BACH2: variants seen among roughly 807,000 people sequenced by gnomAD.
BACH2 encodes the protein BACH transcriptional regulator 2.
Under a neutral mutation model 61.8 loss-of-function variants are expected in BACH2, and 5 were observed. The ratio of observed to expected loss-of-function variants is 0.08; its 90% CI spans 0.04 to 0.17. The LOEUF (loss-of-function observed/expected upper bound fraction) is 0.17, where lower values mean the gene tolerates loss of function less well. BACH2 is among the 10% of genes least tolerant of loss of function. The probability of loss-of-function intolerance (pLI) is 1.00; values close to 1 mark genes in which losing one functional copy is unlikely to be tolerated. For missense variants in BACH2, 824 were observed against 1,091.1 expected (o/e 0.76, Z 3.45); for synonymous variants, 446 against 440.1 (o/e 1.01, Z -0.17).
chr6:90,170,131 CTTTACAAG>C (rs1445232900), intron 4 of BACH2, among the ~76,000 whole-genome samples: 3 of 151,988 alleles, frequency 2.0e-5, no homozygotes, highest in Non-Finnish European at 4.4e-5. Flanking sequence ...GCAACTTAAC[CTTTACAAG>C]TTTAGGAATA....
intron 4 of BACH2, among the ~76,000 whole-genome samples, chr6:90,123,769 C>CAAAAAA (rs796903431): frequency 5.9e-4 from 20 of 33,952 alleles, no homozygotes; most frequent in African/African-American, 1.4e-3. Context: ...GACTCCGTCT[C>CAAAAAA]AAAAAAAAAA....
chr6:90,230,669 T>C (rs1770066463), intron 3 of BACH2, among the ~76,000 whole-genome samples: 1 of 152,202 alleles, frequency 6.6e-6, no homozygotes, highest in Admixed American at 6.5e-5. Context: ...GTACTTCTAC[T>C]GCAAAGTTAT....
At chr6:90,250,348 C>A (rs1434226750) in intron 3 of BACH2, among the ~76,000 whole-genome samples, 2 of 152,160 alleles carry the variant, frequency 1.3e-5, no homozygotes, top group African/African-American at 4.8e-5. Flanking sequence ...TAAATAATTA[C>A]AAAACAGTTG....
At chr6:90,117,021 C>T (rs1436987822) in intron 4 of BACH2, 4 of 353,846 alleles carry the variant, frequency 1.1e-5, no homozygotes, top group South Asian at 3.9e-5. Context: ...ATTTCCCACA[C>T]TAACTTGAAG....
chr6:89,987,843 AG>A (rs1376043413), intron 6 of BACH2, among the ~76,000 whole-genome samples: 2 of 152,302 alleles, frequency 1.3e-5, no homozygotes, highest in African/African-American at 4.8e-5. Flanking sequence ...CTCCCCTTAT[AG>A]CACAACAGCC....
At chr6:89,996,970 CTTA>C (rs1362642414) in intron 6 of BACH2, among the ~76,000 whole-genome samples, 1 of 151,428 alleles carries the variant, frequency 6.6e-6, no homozygotes, top group Non-Finnish European at 1.5e-5. Flanking sequence ...AGGATTTTGT[CTTA>C]TTAAGCATCT....
chr6:89,968,999 A>G (rs1036932099), intron 6 of BACH2, among the ~76,000 whole-genome samples: 1 of 151,306 alleles, frequency 6.6e-6, no homozygotes, highest in Non-Finnish European at 1.5e-5. Flanking sequence ...TGACAGAATG[A>G]GACTCTGTCT....
chr6:90,047,044 C>CCTCAGCCT (rs1779816049), intron 5 of BACH2, among the ~76,000 whole-genome samples: 1 of 152,146 alleles, frequency 6.6e-6, no homozygotes, highest in African/African-American at 2.4e-5. Flanking sequence ...GATTCTCCTG[C>CCTCAGCCT]CTCAGCCTCC....
chr6:90,025,322 T>C (rs1412872058), intron 5 of BACH2, among the ~76,000 whole-genome samples: 1 of 152,204 alleles, frequency 6.6e-6, no homozygotes, highest in African/African-American at 2.4e-5. Flanking sequence ...ACCCCCCAGT[T>C]AAGAGTAAAG....
intron 1 of BACH2, among the ~76,000 whole-genome samples, chr6:90,283,524 T>C (rs1414588523): frequency 6.6e-6 from 1 of 151,882 alleles, no homozygotes; most frequent in African/African-American, 2.4e-5. Context: ...TACAGGTGCC[T>C]GCCACCATGC....
At chr6:90,195,220 CTCCT>C (rs1249170707) in intron 4 of BACH2, among the ~76,000 whole-genome samples, 1 of 152,056 alleles carries the variant, frequency 6.6e-6, no homozygotes, top group African/African-American at 2.4e-5. Flanking sequence ...CCTCTCTCTC[CTCCT>C]TGTCTCTTTG....
rs1373745125 is a variant in BACH2, at chr6:90,296,589, C to G, written c.-555G>C. ...TGGGCAGTTCGTGGGTCACCGAAAGCTCGCGGAGGGGACGCGCATCACATG... is the reference window on the plus strand; with the variant it reads ...TGGGCAGTTCGTGGGTCACCGAAAGGTCGCGGAGGGGACGCGCATCACATG... On this transcript the variant is annotated 5_prime_UTR_variant, in exon 1 of 9. Transcript: ENST00000257749. 1.3e-5 allele frequency: 2 copies of G among 151,936 alleles called. No individual in the cohort carries two copies. The highest frequency in any genetic ancestry group is 6.6e-5 in the Admixed American group (1 of 15,228). The allele number at this position is 151,936 out of a possible 1,614,324, so 9.4% of individuals were successfully genotyped here.
chr6:89,991,661 A>AT (rs1200550993), intron 6 of BACH2, among the ~76,000 whole-genome samples: 20 of 152,166 alleles, frequency 1.3e-4, no homozygotes, highest in Admixed American at 1.3e-4. Flanking sequence ...TTATAAATTA[A>AT]TATATAGTCT....
rs71298713 is a variant in BACH2 at position 89,939,656 on chromosome 6, C to CTT, written c.1837-1308_1837-1307dup. Among the ~76,000 whole-genome samples the CTT allele has an allele frequency of 4.5e-3, 374 of 82,602 alleles. 39 individuals are homozygous for CTT. Among genetic ancestry groups the CTT allele is most frequent in the Admixed American group, 7.1e-3 (42 of 5,892 alleles). 54.2% of individuals were successfully genotyped at this position (82,602 alleles called of 152,430 possible). On this transcript the variant is annotated intron_variant, in intron 7 of 8. Transcript: ENST00000257749. ...TGTTGTTAAATGATTGCTTATATTTCTTTTTTTTTTTTTTTTTTTTTTTTT... is the reference window on the plus strand; with the variant it reads ...TGTTGTTAAATGATTGCTTATATTTCTTTTTTTTTTTTTTTTTTTTTTTTTTT...
chr6:90,116,973 A>C, intron 4 of BACH2: 2 of 373,744 alleles, frequency 5.4e-6, no homozygotes, highest in African/African-American at 4.3e-5. Context: ...AATGATAGAC[A>C]TGGGTTGCTC....
At chr6:90,260,802 C>A (rs991809613) in intron 2 of BACH2, among the ~76,000 whole-genome samples, 3 of 152,096 alleles carry the variant, frequency 2.0e-5, no homozygotes, top group African/African-American at 7.2e-5. Flanking sequence ...TCCTTCAAAC[C>A]ACACCTATGG....
intron 5 of BACH2, among the ~76,000 whole-genome samples, chr6:90,027,895 T>C (rs539712875): frequency 6.6e-6 from 1 of 152,372 alleles, no homozygotes; most frequent in African/African-American, 2.4e-5. Flanking sequence ...GCACATTATA[T>C]ACACTTGTAA....
At chr6:90,098,545 T>C (rs1161267535) in intron 4 of BACH2, among the ~76,000 whole-genome samples, 1 of 152,176 alleles carries the variant, frequency 6.6e-6, no homozygotes, top group Non-Finnish European at 1.5e-5. Context: ...CTTCCTGACA[T>C]AGATTCTTTA....
At chr6:89,943,953 C>T (rs1413942726) in intron 7 of BACH2, among the ~76,000 whole-genome samples, 3 of 152,156 alleles carry the variant, frequency 2.0e-5, no homozygotes, top group African/African-American at 4.8e-5. Flanking sequence ...AGCAATATGC[C>T]CATTGGAGAT....
Sources: allele counts gnomAD v4.1 joint callset (sites outside exome capture counted in the v4.1 genomes callset), GRCh38; gene constraint gnomAD v4.1.1; transcripts MANE v1.5; gene names NCBI Gene and HGNC (gene_info 2026-07-23, HGNC 2026-07-21).